MGA: variants seen among roughly 807,000 people sequenced by gnomAD.
MGA encodes the protein MAX dimerization protein MGA, also known as MAX gene-associated protein.
A neutral mutation model predicts 261.1 loss-of-function variants in MGA; 40 were observed. The observed-to-expected ratio is 0.15, with a 90% confidence interval of 0.12 to 0.20. The LOEUF (loss-of-function observed/expected upper bound fraction) is 0.20. Among genes scored for constraint, MGA ranks in the 10% least tolerant of loss-of-function variants. MGA has a pLI of 1.00. For synonymous variants in MGA, 1,302 were observed against 1,290.6 expected (o/e 1.01, Z -0.19); for missense variants, 3,397 against 3,630.5 (o/e 0.94, Z 1.65).
intron 1 of MGA, among the ~76,000 whole-genome samples, chr15:41,633,870 G>A (rs1351486226): frequency 1.3e-5 from 2 of 152,104 alleles, no homozygotes; most frequent in Non-Finnish European, 2.9e-5. Context: ...CCTTACAACG[G>A]CCTTTAAGGT....
At chr15:41,678,173 C>G (rs1465449455) in intron 2 of MGA, among the ~76,000 whole-genome samples, 1 of 151,348 alleles carries the variant, frequency 6.6e-6, no homozygotes, top group Non-Finnish European at 1.5e-5. Flanking sequence ...TCACTGCAAC[C>G]TGTGCCTCCC....
chr15:41,766,851 A>G lies in MGA; in HGVS notation c.8769A>G (p.Pro2923=). ...AACTTGCAGAACCAGCCTCTGAGCC[A>G]GATGTCCTTAAGATTGTTATTGACT... Residue 2923 remains proline (P), a synonymous_variant, in exon 24 of 24, where the codon CCA becomes CCG. Coordinates refer to ENST00000219905, the MANE Select transcript of MGA (RefSeq NM_001164273.2). 5 of 1,614,048 alleles carry G rather than the reference A, an allele frequency of 3.1e-6. No homozygotes were observed. Among genetic ancestry groups the G allele is most frequent in the Non-Finnish European group, 4.2e-6 (5 of 1,179,900 alleles).
chr15:41,747,459 T>C (rs950181607), intron 15 of MGA, among the ~76,000 whole-genome samples: 1 of 152,028 alleles, frequency 6.6e-6, no homozygotes, highest in African/African-American at 2.4e-5. Context: ...GCCAGGCACA[T>C]TGGCTCATAC....
At chr15:41,747,033 T>C (rs909897387) in intron 15 of MGA, among the ~76,000 whole-genome samples, 1 of 152,082 alleles carries the variant, frequency 6.6e-6, no homozygotes, top group African/African-American at 2.4e-5. Context: ...TTTCGAAATA[T>C]GTCTTCCAAT....
chr15:41,629,728 C>CA (rs1035050749), intron 1 of MGA, among the ~76,000 whole-genome samples: 2 of 151,720 alleles, frequency 1.3e-5, no homozygotes, highest in African/African-American at 4.8e-5. Context: ...GATCCTGTCT[C>CA]AAAAAAACAA....
chr15:41,673,253 T>G (rs1282536593), intron 2 of MGA, among the ~76,000 whole-genome samples: 1 of 152,158 alleles, frequency 6.6e-6, no homozygotes, highest in African/African-American at 2.4e-5. Context: ...AGTCTTGCCC[T>G]GTTGCCCAGG....
intron 1 of MGA, among the ~76,000 whole-genome samples, chr15:41,646,696 C>A (rs1035867015): frequency 6.6e-6 from 1 of 151,686 alleles, no homozygotes; most frequent in African/African-American, 2.4e-5. Context: ...GGCAACAGAA[C>A]GAGACTCTGT....
chr15:41,634,159 A>C (rs2056652322), intron 1 of MGA, among the ~76,000 whole-genome samples: 1 of 152,088 alleles, frequency 6.6e-6, no homozygotes, highest in Non-Finnish European at 1.5e-5. Context: ...ACCATATTAC[A>C]TCATGTATTT....
At chr15:41,659,863 T>G (rs1023292174), upstream of MGA, among the ~76,000 whole-genome samples, 2 of 152,246 alleles carry the variant, frequency 1.3e-5, no homozygotes, top group African/African-American at 4.8e-5. Flanking sequence ...CTAGTCGTCT[T>G]CGGTTGTGGA....
intron 9 of MGA, among the ~76,000 whole-genome samples, chr15:41,717,783 A>T (rs987355212): frequency 2.0e-5 from 3 of 152,244 alleles, no homozygotes; most frequent in Non-Finnish European, 2.9e-5. Flanking sequence ...AGAAGACTTT[A>T]CAAGAAAACT....
At position 41,742,969 on chromosome 15, in the gene MGA, T is replaced by C. The variant is rs2062201610; in HGVS notation, c.5009T>C (p.Val1670Ala). 1 of 1,613,928 alleles carries C rather than the reference T, an allele frequency of 6.2e-7. No individual in the cohort carries two copies. The highest frequency in any genetic ancestry group is 8.5e-7 in the Non-Finnish European group (1 of 1,179,900). Residue 1670 changes from valine (V) to alanine (A), a missense_variant, in exon 15 of 24, where the codon GTG (valine) becomes GCG (alanine). Val to Ala is a moderately conservative substitution (Grantham distance 64). Coordinates refer to ENST00000219905, the MANE Select transcript of MGA (RefSeq NM_001164273.2). Reference sequence around the variant, plus strand: ...AAAACCACTGGGATAACTACCCCTGTGGCTTCAGTTGCTTTTCCTAAGTCT... The same window carrying C: ...AAAACCACTGGGATAACTACCCCTGCGGCTTCAGTTGCTTTTCCTAAGTCT...
intron 1 of MGA, among the ~76,000 whole-genome samples, chr15:41,653,841 T>C (rs1199511839): frequency 6.6e-6 from 1 of 152,200 alleles, no homozygotes; most frequent in Non-Finnish European, 1.5e-5. Flanking sequence ...TAACTTAACC[T>C]GCCTCTTCCT....
chr15:41,644,346 C>CAAAAAAAAA (rs34743222), intron 1 of MGA, among the ~76,000 whole-genome samples: 5 of 65,696 alleles, frequency 7.6e-5, no homozygotes, highest in African/African-American at 1.2e-4. Context: ...CCATCTGTAC[C>CAAAAAAAAA]AAAAAAAAAA....
intron 11 of MGA, among the ~76,000 whole-genome samples, chr15:41,731,989 G>A (rs540274057): frequency 2.6e-5 from 4 of 152,272 alleles, no homozygotes; most frequent in Admixed American, 2.0e-4. Flanking sequence ...AACCATATGA[G>A]GTTGGTGGTA....
At chr15:41,730,674 A>G (rs1029451190) in intron 11 of MGA, among the ~76,000 whole-genome samples, 2 of 152,194 alleles carry the variant, frequency 1.3e-5, no homozygotes, top group African/African-American at 2.4e-5. Flanking sequence ...TAATAAAGAC[A>G]TATGTGCACA....
chr15:41,680,805 A>G lies in MGA; in HGVS notation c.1064+10847A>G, dbSNP rs2058628642. Among the ~76,000 whole-genome samples, 5 of 152,270 alleles carry G rather than the reference A, an allele frequency of 3.3e-5. No homozygotes were observed. In the South Asian group the frequency reaches 8.3e-4, roughly 25 times the overall value. On this transcript the variant is annotated intron_variant, in intron 2 of 23. Coordinates refer to ENST00000219905, the MANE Select transcript of MGA (RefSeq NM_001164273.2). The stretch of plus-strand genomic sequence containing the variant: ...AAGCTTTATTAAGCTTTGGTATTCA[A>G]AATTTTGGGGGTTCATTACATAGGG...
chr15:41,760,616 G>A (rs1006967539), intron 20 of MGA, 87 bp downstream of exon 20: 45 of 1,355,770 alleles, frequency 3.3e-5, no homozygotes, highest in Admixed American at 3.9e-5. Context: ...GACATATAAG[G>A]GAGATTGAAA....
chr15:41,670,439 A>G (rs765712280), intron 2 of MGA, among the ~76,000 whole-genome samples: 16 of 152,342 alleles, frequency 1.1e-4, no homozygotes, highest in Non-Finnish European at 2.1e-4. Context: ...GGGTAGAGAG[A>G]GACTGAAAGA....
At chr15:41,743,531 T>C (rs1365137936) in intron 15 of MGA, among the ~76,000 whole-genome samples, 1 of 152,190 alleles carries the variant, frequency 6.6e-6, no homozygotes, top group African/African-American at 2.4e-5. Context: ...AAGTGGTGGC[T>C]GAAGGATACT....
Sources: gnomAD v4.1 joint callset for allele counts (sites outside exome capture counted in the v4.1 genomes callset) on GRCh38, gnomAD v4.1.1 for gene constraint, MANE v1.5 for transcripts, NCBI Gene and HGNC (gene_info 2026-07-23, HGNC 2026-07-21) for gene names.